The following SLC71A2 variants were observed in gnomAD, a reference collection of about 807,000 sequenced individuals.
The protein encoded by SLC71A2 is solute carrier family 71 member 2, also known as hippocampus abundant transcript-like 1.
chr9:94,454,203 T>A, the SLC71A2 span: 3 of 626,340 alleles, frequency 4.8e-6, no homozygotes, highest in South Asian at 5.8e-5. Flanking sequence ...GCAGAAACCA[T>A]TAGGCTTTAA....
chr9:94,441,263 T>C, the SLC71A2 span, among the ~76,000 whole-genome samples: 1 of 152,230 alleles, frequency 6.6e-6, no homozygotes, highest in African/African-American at 2.4e-5. Context: ...CTCACAGTTC[T>C]GCAGGCTATA....
chr9:94,388,305 C>T, the SLC71A2 span, among the ~76,000 whole-genome samples: 2 of 152,012 alleles, frequency 1.3e-5, no homozygotes, highest in Non-Finnish European at 2.9e-5. Flanking sequence ...CTTAAATTAC[C>T]ATTCTTTTGT....
At chr9:94,457,694 T>TTA in the SLC71A2 span, among the ~76,000 whole-genome samples, 1 of 152,226 alleles carries the variant, frequency 6.6e-6, no homozygotes, top group Admixed American at 6.5e-5. Context: ...TTTTGACTTT[T>TTA]TATACTTATT....
At chr9:94,430,876 G>T in the SLC71A2 span, among the ~76,000 whole-genome samples, 1 of 152,098 alleles carries the variant, frequency 6.6e-6, no homozygotes, top group Non-Finnish European at 1.5e-5. Flanking sequence ...AATAGGAAAA[G>T]AGTTAAATAG....
the SLC71A2 span, among the ~76,000 whole-genome samples, chr9:94,449,102 G>T: frequency 5.9e-5 from 9 of 152,192 alleles, no homozygotes; most frequent in Admixed American, 5.9e-4. Context: ...GACAGTCCAA[G>T]GAAGAAAGCT....
At chr9:94,453,083 A>C in the SLC71A2 span, among the ~76,000 whole-genome samples, 21 of 151,852 alleles carry the variant, frequency 1.4e-4, no homozygotes, top group African/African-American at 5.1e-4. Flanking sequence ...TGCAAATGTA[A>C]ATTATGTTAA....
At chr9:94,382,315 T>C in the SLC71A2 span, among the ~76,000 whole-genome samples, 1 of 151,800 alleles carries the variant, frequency 6.6e-6, no homozygotes, top group Non-Finnish European at 1.5e-5. Context: ...GTGTGAGCCA[T>C]GTGCCCAACT....
the SLC71A2 span, among the ~76,000 whole-genome samples, chr9:94,398,871 TGG>T: frequency 7.8e-6 from 1 of 127,688 alleles, no homozygotes. Flanking sequence ...TGGAGTGCAG[TGG>T]GGCAGTCTTG....
chr9:94,411,672 C>A, the SLC71A2 span, among the ~76,000 whole-genome samples: 1 of 151,582 alleles, frequency 6.6e-6, no homozygotes, highest in Non-Finnish European at 1.5e-5. Context: ...CTCACTGCAA[C>A]CTCCTCCTCC....
At chr9:94,419,165 A>G in the SLC71A2 span, among the ~76,000 whole-genome samples, 1 of 151,912 alleles carries the variant, frequency 6.6e-6, no homozygotes, top group South Asian at 2.1e-4. Context: ...CTAGGCTGAA[A>G]TACAGTGGCA....
the SLC71A2 span, among the ~76,000 whole-genome samples, chr9:94,382,472 C>T: frequency 6.6e-6 from 1 of 152,030 alleles, no homozygotes; most frequent in African/African-American, 2.4e-5. Context: ...GCAAGTCCCT[C>T]GTCAAATGAT....
the SLC71A2 span, among the ~76,000 whole-genome samples, chr9:94,389,849 G>T: frequency 6.7e-6 from 1 of 149,820 alleles, no homozygotes; most frequent in Non-Finnish European, 1.5e-5. Flanking sequence ...CTTAGGCAGT[G>T]CTCCCACCTC....
the SLC71A2 span, among the ~76,000 whole-genome samples, chr9:94,431,204 T>C: frequency 6.6e-6 from 1 of 151,410 alleles, no homozygotes; most frequent in Non-Finnish European, 1.5e-5. Context: ...TCCCAGCTAC[T>C]GGGGAGGCTG....
the SLC71A2 span, among the ~76,000 whole-genome samples, chr9:94,380,102 C>T: frequency 3.3e-4 from 50 of 152,084 alleles, no homozygotes; most frequent in Admixed American, 2.8e-3. Context: ...CCTGTCTCTA[C>T]TAAAAATACA....
the SLC71A2 span, among the ~76,000 whole-genome samples, chr9:94,384,300 C>G: frequency 6.7e-6 from 1 of 149,824 alleles, no homozygotes; most frequent in African/African-American, 2.4e-5. Flanking sequence ...ATAATGTCCT[C>G]AAGGTTTGTC....
chr9:94,416,523 G>T, the SLC71A2 span, among the ~76,000 whole-genome samples: 1 of 152,156 alleles, frequency 6.6e-6, no homozygotes, highest in East Asian at 1.9e-4. Flanking sequence ...ACTTTGCTGT[G>T]AACCTTTTAA....
At chr9:94,457,852 C>A in the SLC71A2 span, among the ~76,000 whole-genome samples, 1 of 152,100 alleles carries the variant, frequency 6.6e-6, no homozygotes, top group South Asian at 2.1e-4. Flanking sequence ...TGTTAGAAAG[C>A]AGAGATATTT....
chr9:94,441,344 G>C, the SLC71A2 span, among the ~76,000 whole-genome samples: 1 of 152,166 alleles, frequency 6.6e-6, no homozygotes, highest in East Asian at 1.9e-4. Context: ...GGAAGGCAGA[G>C]CCAGAGCAGG....
the SLC71A2 span, among the ~76,000 whole-genome samples, chr9:94,388,121 C>T: frequency 6.8e-4 from 92 of 134,664 alleles, 1 homozygote; most frequent in African/African-American, 2.6e-3. Flanking sequence ...AGATCTGTAG[C>T]GTGGTAATAT....
Sources: allele counts gnomAD v4.1 joint callset (sites outside exome capture counted in the v4.1 genomes callset), GRCh38; gene constraint gnomAD v4.1.1; transcripts MANE v1.5; gene names NCBI Gene and HGNC (gene_info 2026-07-23, HGNC 2026-07-21).